Variants in IFI16 observed in about 807,000 individuals in gnomAD.
IFI16 encodes the protein interferon gamma inducible protein 16.
A neutral mutation model predicts 68.4 loss-of-function variants in IFI16; 49 were observed. The ratio of observed to expected loss-of-function variants is 0.72; its 90% CI spans 0.57 to 0.91. The LOEUF (loss-of-function observed/expected upper bound fraction) is 0.91, where lower values mean the gene tolerates loss of function less well. Among genes scored for constraint, IFI16 ranks in the 40% least tolerant of loss-of-function variants. The pLI is 0.00. For synonymous variants in IFI16, 307 were observed against 315.0 expected (o/e 0.97, Z 0.27); for missense variants, 878 against 942.9 (o/e 0.93, Z 0.90).
chr1:159,017,468 T>TA (rs1653004468), intron 4 of IFI16, among the ~76,000 whole-genome samples: 1 of 152,070 alleles, frequency 6.6e-6, no homozygotes, highest in Non-Finnish European at 1.5e-5. Context: ...ATTTTTTTTT[T>TA]ATTTTTATTT....
At chr1:159,024,784 A>G (rs1294079845) in intron 6 of IFI16, among the ~76,000 whole-genome samples, 2 of 152,146 alleles carry the variant, frequency 1.3e-5, no homozygotes, top group African/African-American at 4.8e-5. Flanking sequence ...ATAACAAAGG[A>G]GCTAATAACA....
intron 2 of IFI16, among the ~76,000 whole-genome samples, chr1:159,015,272 T>C (rs1030641367): frequency 6.6e-6 from 1 of 152,228 alleles, no homozygotes; most frequent in East Asian, 1.9e-4. Flanking sequence ...TCAAGATATG[T>C]ACATTTAGCC....
chr1:159,039,428 G>C (rs889820203), intron 7 of IFI16, among the ~76,000 whole-genome samples: 2 of 152,080 alleles, frequency 1.3e-5, no homozygotes, highest in African/African-American at 4.8e-5. Context: ...ACTGCAACCT[G>C]TGCCTCCCGG....
Position 159,030,746 on chromosome 1 carries a change from A to T in IFI16, c.1162-1778A>T, listed in dbSNP as rs1055729163. On this transcript the variant is annotated intron_variant, in intron 6 of 11. Transcript: ENST00000295809. ...TGGTTTTAATTTTGTTTATTGGGAT[A>T]ATTTTGTGTTGGTTGTCCTCCAGCC... Among the ~76,000 whole-genome samples, 4 of 152,084 alleles carry T rather than the reference A, an allele frequency of 2.6e-5. No homozygotes were observed. In the South Asian group the frequency reaches 8.3e-4, roughly 32 times the overall value.
At chr1:159,001,439 A>G (rs1025195767), upstream of IFI16, among the ~76,000 whole-genome samples, 2 of 152,234 alleles carry the variant, frequency 1.3e-5, no homozygotes, top group Admixed American at 6.5e-5. Flanking sequence ...ATTTTTTCCT[A>G]TAGACAGGTG....
upstream of IFI16, among the ~76,000 whole-genome samples, chr1:159,004,146 C>A (rs1652166426): frequency 1.4e-5 from 2 of 139,156 alleles, no homozygotes; most frequent in South Asian, 4.5e-4. Context: ...AATTTTATTT[C>A]TCTCTTCTTA....
chr1:159,011,194 G>C (rs1652533561), intron 1 of IFI16, among the ~76,000 whole-genome samples: 1 of 152,070 alleles, frequency 6.6e-6, no homozygotes, highest in Admixed American at 6.6e-5. Context: ...GACCAGCCTG[G>C]CCAGCATGGC....
intron 1 of IFI16, among the ~76,000 whole-genome samples, chr1:159,011,511 A>G (rs931177262): frequency 6.6e-6 from 1 of 151,970 alleles, no homozygotes; most frequent in African/African-American, 2.4e-5. Context: ...GTACACACAT[A>G]TATGTGTGTA....
chr1:159,003,657 ATT>A (rs1652143037), upstream of IFI16, among the ~76,000 whole-genome samples: 2 of 151,646 alleles, frequency 1.3e-5, no homozygotes, highest in Admixed American at 1.3e-4. Context: ...CTGTATTATT[ATT>A]ATTATTATTA....
upstream of IFI16, among the ~76,000 whole-genome samples, chr1:159,007,052 T>C (rs535683861): frequency 6.6e-6 from 1 of 152,076 alleles, no homozygotes; most frequent in Non-Finnish European, 1.5e-5. Flanking sequence ...ATGGAAGTAT[T>C]GGGGAAAAGG....
chr1:159,045,730 A>G (rs1248880598), intron 8 of IFI16, among the ~76,000 whole-genome samples: 1 of 151,118 alleles, frequency 6.6e-6, no homozygotes, highest in Admixed American at 6.6e-5. Context: ...TTCCCTCAAT[A>G]CACCACGAAA....
intron 1 of IFI16, chr1:159,000,503 C>A (rs1287640767): frequency 2.6e-5 from 4 of 152,446 alleles, no homozygotes; most frequent in Non-Finnish European, 4.4e-5. Flanking sequence ...GTCCTTCTTC[C>A]TGGGAAAGAC....
At chr1:159,007,511 C>CT (rs1236237829), upstream of IFI16, among the ~76,000 whole-genome samples, 3 of 152,304 alleles carry the variant, frequency 2.0e-5, no homozygotes, top group African/African-American at 4.8e-5. Context: ...GGCTCCAACA[C>CT]TAACTAGGCG....
chr1:159,001,834 A>C (rs1268653890), upstream of IFI16, among the ~76,000 whole-genome samples: 1 of 152,236 alleles, frequency 6.6e-6, no homozygotes, highest in Non-Finnish European at 1.5e-5. Context: ...ACATATTTTA[A>C]AGTATTTGCT....
intron 3 of IFI16, 131 bp from the exon 4 acceptor site, chr1:159,016,402 A>T: frequency 1.3e-6 from 1 of 753,994 alleles, no homozygotes; most frequent in Non-Finnish European, 2.1e-6. Flanking sequence ...CTGGCGAGAG[A>T]TGGGCAGCAA....
chr1:159,036,878 A>G (rs1571873346), intron 7 of IFI16, among the ~76,000 whole-genome samples: 2 of 152,342 alleles, frequency 1.3e-5, no homozygotes, highest in South Asian at 2.1e-4. Flanking sequence ...CATGTGTACC[A>G]GTTGAAGACA....
At position 159,032,762 on chromosome 1, in the gene IFI16, G is replaced by A. The variant is rs568750375; in HGVS notation, c.1329+71G>A. 7.2e-4 allele frequency: 903 copies of A among 1,245,538 alleles called. 4 individuals are homozygous for A. The highest frequency in any genetic ancestry group is 3.8e-3 in the South Asian group (229 of 60,374). The allele number at this position is 1,245,538 out of a possible 1,614,324, so 77.2% of individuals were successfully genotyped here. ...TACAGGGATCATTAGACTGTTGAAA[G>A]AGCTACTGCTGTAATCTCTGTGAAT... On this transcript the variant is annotated intron_variant, in intron 7 of 11. Transcript: ENST00000295809.
At chr1:159,035,995 T>C (rs1481854557) in intron 7 of IFI16, among the ~76,000 whole-genome samples, 1 of 152,166 alleles carries the variant, frequency 6.6e-6, no homozygotes, top group Non-Finnish European at 1.5e-5. Flanking sequence ...GTGGCAGAAA[T>C]GAATAGAGAA....
At chr1:159,020,149 A>G (rs1158403556) in intron 5 of IFI16, among the ~76,000 whole-genome samples, 192 bp from the exon 6 acceptor site, 1 of 152,168 alleles carries the variant, frequency 6.6e-6, no homozygotes, top group Admixed American at 6.5e-5. Flanking sequence ...GAAATATCTC[A>G]GATATGAAAG....
Sources: allele counts gnomAD v4.1 joint callset (sites outside exome capture counted in the v4.1 genomes callset), GRCh38; gene constraint gnomAD v4.1.1; transcripts MANE v1.5; gene names NCBI Gene and HGNC (gene_info 2026-07-23, HGNC 2026-07-21).